Variants in SCMH1 observed in about 807,000 individuals in gnomAD.
The protein encoded by SCMH1 is polycomb protein SCMH1.
SCMH1 carries 37 observed loss-of-function variants against 70.8 expected under a neutral mutation model. The observed-to-expected ratio is 0.52, with a 90% CI of 0.40 to 0.69. The LOEUF is 0.69. Ranked by LOEUF, SCMH1 falls within the 30% of genes least tolerant of loss-of-function variation. The pLI, the probability that SCMH1 is intolerant of heterozygous loss-of-function variation, is 0.00. For missense variants in SCMH1, 607 were observed against 827.3 expected, an observed-to-expected ratio of 0.73 and a Z score of 3.27; for synonymous variants, 292 against 307.4, an observed-to-expected ratio of 0.95 and a Z score of 0.52.
intron 1 of SCMH1, among the ~76,000 whole-genome samples, chr1:41,229,689 T>C (rs1297410715): frequency 2.0e-5 from 3 of 151,914 alleles, no homozygotes; most frequent in African/African-American, 4.8e-5. Flanking sequence ...TGTATACCTA[T>C]GTAACAAACC....
chr1:41,195,439 C>T (rs1652810616), intron 1 of SCMH1, among the ~76,000 whole-genome samples: 1 of 151,512 alleles, frequency 6.6e-6, no homozygotes. Flanking sequence ...ACATAATATA[C>T]CATAAATAGA....
chr1:41,211,974 C>T (rs1188853762), intron 1 of SCMH1, among the ~76,000 whole-genome samples: 2 of 152,158 alleles, frequency 1.3e-5, no homozygotes, highest in Non-Finnish European at 2.9e-5. Flanking sequence ...AATGAGAACA[C>T]TTGGATACAG....
At chr1:41,071,182 C>A (rs994827897) in intron 9 of SCMH1, among the ~76,000 whole-genome samples, 2 of 152,164 alleles carry the variant, frequency 1.3e-5, no homozygotes, top group African/African-American at 4.8e-5. Flanking sequence ...TCATTACCTG[C>A]CATTCCCTTA....
intron 2 of SCMH1, 109 bp downstream of exon 2, chr1:41,186,012 A>C: frequency 8.3e-7 from 1 of 1,200,846 alleles, no homozygotes; most frequent in South Asian, 1.6e-5. Context: ...ATGGCTATAA[A>C]GAAAAGGATA....
chr1:41,048,547 T>A, intron 11 of SCMH1, 143 bp downstream of exon 11: 1 of 721,102 alleles, frequency 1.4e-6, no homozygotes, highest in Non-Finnish European at 2.3e-6. Context: ...TCTTGGGGGG[T>A]TGGAGATGAG....
intron 13 of SCMH1, among the ~76,000 whole-genome samples, 159 bp from the exon 14 acceptor site, chr1:41,034,207 C>T (rs1356696106): frequency 7.7e-6 from 1 of 130,468 alleles, no homozygotes; most frequent in African/African-American, 3.0e-5. Flanking sequence ...ACTTGAGAGC[C>T]CTTTAGATTC....
chr1:41,117,258 A>G (rs1335945543), intron 6 of SCMH1, among the ~76,000 whole-genome samples: 1 of 152,138 alleles, frequency 6.6e-6, no homozygotes, highest in Non-Finnish European at 1.5e-5. Context: ...CTCGCTCTAC[A>G]ATCATAACCT....
intron 9 of SCMH1, 124 bp from the exon 10 acceptor site, chr1:41,070,845 T>C: frequency 1.7e-6 from 2 of 1,186,092 alleles, no homozygotes; most frequent in Non-Finnish European, 2.4e-6. Flanking sequence ...TTATCTTTGT[T>C]CTCTACACAG....
At chr1:41,178,127 C>T (rs963316034) in intron 2 of SCMH1, among the ~76,000 whole-genome samples, 8 of 152,158 alleles carry the variant, frequency 5.3e-5, no homozygotes, top group Non-Finnish European at 8.8e-5. Context: ...AATTTCATAT[C>T]CAGCCAAACT....
intron 1 of SCMH1, among the ~76,000 whole-genome samples, chr1:41,239,441 T>C (rs890624618): frequency 1.3e-5 from 2 of 152,230 alleles, no homozygotes; most frequent in Non-Finnish European, 2.9e-5. Context: ...CCCTCACCTT[T>C]GGGCAACCTT....
intron 1 of SCMH1, among the ~76,000 whole-genome samples, chr1:41,232,305 CGAG>C (rs1428757596): frequency 6.6e-6 from 1 of 152,124 alleles, no homozygotes; most frequent in Non-Finnish European, 1.5e-5. Context: ...CTGATCCTAA[CGAG>C]GAATCTAGTC....
chr1:41,200,514 AAT>A (rs1491163044), intron 1 of SCMH1, among the ~76,000 whole-genome samples: 31 of 147,230 alleles, frequency 2.1e-4, no homozygotes, highest in Middle Eastern at 3.6e-3. Flanking sequence ...TAATAATAAT[AAT>A]ATAATAATAA....
chr1:41,180,325 T>C (rs1343456978), intron 2 of SCMH1, among the ~76,000 whole-genome samples: 5 of 152,142 alleles, frequency 3.3e-5, no homozygotes, highest in Admixed American at 6.5e-5. Flanking sequence ...TGCCCTCTCT[T>C]ACCACTCCTA....
intron 3 of SCMH1, 59 bp from the exon 4 acceptor site, chr1:41,160,957 G>A (rs912050437): frequency 1.4e-6 from 2 of 1,475,168 alleles, no homozygotes; most frequent in Admixed American, 2.0e-5. Flanking sequence ...CAACATGATG[G>A]AAGGTGAAAT....
Position 41,218,253 on chromosome 1 carries a change from T to C in SCMH1, c.-118+23806A>G, listed in dbSNP as rs913865031. 2.0e-5 allele frequency among the ~76,000 whole-genome samples: 3 copies of C among 152,196 alleles called. 1 individual carries two copies. The highest frequency in any genetic ancestry group is 4.1e-4 in the South Asian group (2 of 4,826). On this transcript the variant is annotated intron_variant, in intron 1 of 14. Transcript: ENST00000337495. Reference sequence around the variant, plus strand: ...GGCCAGAATTGTGAACTGTGTTAAATTGTGTCCCTAAAATTGTGTACCCCT... The same window carrying C: ...GGCCAGAATTGTGAACTGTGTTAAACTGTGTCCCTAAAATTGTGTACCCCT...
At chr1:41,084,296 C>A (rs1379533507) in intron 8 of SCMH1, among the ~76,000 whole-genome samples, 1 of 152,036 alleles carries the variant, frequency 6.6e-6, no homozygotes, top group African/African-American at 2.4e-5. Flanking sequence ...GACAAACAAC[C>A]CCATCAAAAA....
chr1:41,164,487 C>T (rs937800228), intron 2 of SCMH1, among the ~76,000 whole-genome samples: 2 of 152,144 alleles, frequency 1.3e-5, no homozygotes, highest in Non-Finnish European at 2.9e-5. Flanking sequence ...GGGTAAGACC[C>T]TTCCACTTAT....
intron 6 of SCMH1, among the ~76,000 whole-genome samples, chr1:41,126,587 T>C (rs1291950493): frequency 6.6e-6 from 1 of 152,204 alleles, no homozygotes; most frequent in Non-Finnish European, 1.5e-5. Context: ...TACTTTCATA[T>C]GTTATATATG....
chr1:41,191,032 G>A (rs1402361442), intron 1 of SCMH1, among the ~76,000 whole-genome samples: 1 of 152,126 alleles, frequency 6.6e-6, no homozygotes, highest in East Asian at 1.9e-4. Context: ...GCATCAATGC[G>A]CCTGGCTAAC....
Sources: gnomAD v4.1 joint callset for allele counts (sites outside exome capture counted in the v4.1 genomes callset) on GRCh38, gnomAD v4.1.1 for gene constraint, MANE v1.5 for transcripts, NCBI Gene and HGNC (gene_info 2026-07-23, HGNC 2026-07-21) for gene names.